Variants in AUTS2 observed in about 807,000 individuals in gnomAD.
The protein encoded by AUTS2 is activator of transcription and developmental regulator AUTS2.
In AUTS2, 17 loss-of-function variants were observed where a neutral mutation model predicts 112.4. That is an observed-to-expected ratio of 0.15 (90% CI 0.10 to 0.23). AUTS2 has a LOEUF of 0.23. Among genes scored for constraint, AUTS2 ranks in the 10% least tolerant of loss-of-function variants. The pLI, the probability that AUTS2 is intolerant of heterozygous loss-of-function variation, is 1.00. For missense variants in AUTS2, 1,510 were observed against 1,701.6 expected (o/e 0.89, Z 1.98); for synonymous variants, 751 against 702.7 (o/e 1.07, Z -1.09).
rs1790720866 is a variant in AUTS2 at position 69,815,524 on chromosome 7, CT to C, written c.310-83753del. Among the ~76,000 whole-genome samples, 5 of 151,290 alleles carry C rather than the reference CT, an allele frequency of 3.3e-5. No homozygotes were observed. The South Asian group carries it at 8.4e-4, about 25-fold the overall frequency. On this transcript the variant is annotated intron_variant, in intron 1 of 18. Coordinates refer to ENST00000342771, the MANE Select transcript of AUTS2 (RefSeq NM_015570.4). ...TCTTCTCCAGGCCTCTTTATGACTA[CT>C]TTTTTTTTGAGATGGAGTCTCACTC...
intron 5 of AUTS2, among the ~76,000 whole-genome samples, chr7:70,660,875 G>A (rs1036071779): frequency 2.6e-5 from 4 of 152,106 alleles, no homozygotes; most frequent in African/African-American, 4.8e-5. Flanking sequence ...CATACTAAAG[G>A]CCTACTATGT....
intron 4 of AUTS2, among the ~76,000 whole-genome samples, chr7:70,282,528 G>C (rs916611540): frequency 6.6e-6 from 1 of 152,016 alleles, no homozygotes; most frequent in Non-Finnish European, 1.5e-5. Context: ...CGAGCTCCTA[G>C]GGCCTTTTTT....
chr7:70,135,697 G>A (rs1484870709), intron 4 of AUTS2, among the ~76,000 whole-genome samples: 2 of 152,116 alleles, frequency 1.3e-5, no homozygotes, highest in Non-Finnish European at 2.9e-5. Flanking sequence ...AAAGTATAAG[G>A]ATGATTTGGA....
At chr7:69,660,715 G>T (rs995449341) in intron 1 of AUTS2, among the ~76,000 whole-genome samples, 1 of 152,140 alleles carries the variant, frequency 6.6e-6, no homozygotes, top group East Asian at 1.9e-4. Context: ...GGCAGATCAC[G>T]AGGTCAGGAG....
chr7:70,618,744 G>C (rs1403714252), intron 5 of AUTS2, among the ~76,000 whole-genome samples: 4 of 152,100 alleles, frequency 2.6e-5, no homozygotes, highest in East Asian at 1.9e-4. Flanking sequence ...AAGAGAGAGA[G>C]AGAAGGAAAC....
chr7:69,953,402 C>T (rs1312427871), intron 2 of AUTS2, among the ~76,000 whole-genome samples: 1 of 152,056 alleles, frequency 6.6e-6, no homozygotes, highest in Non-Finnish European at 1.5e-5. Flanking sequence ...TTCTCAGCAA[C>T]AATAAGTACT....
At chr7:70,066,140 A>T (rs17141174) in intron 2 of AUTS2, among the ~76,000 whole-genome samples, 4,548 of 152,306 alleles carry the variant, frequency 0.03, 262 homozygotes, top group African/African-American at 0.1. Context: ...CATCATTTTT[A>T]AAAAATTTTG....
At chr7:70,115,613 T>C (rs1047506213) in intron 2 of AUTS2, among the ~76,000 whole-genome samples, 24 of 152,256 alleles carry the variant, frequency 1.6e-4, no homozygotes, top group Admixed American at 1.6e-3. Context: ...ATGTCAAATG[T>C]AAACATCTAA....
chr7:69,815,152 T>C (rs1790702058), intron 1 of AUTS2, among the ~76,000 whole-genome samples: 1 of 152,202 alleles, frequency 6.6e-6, no homozygotes, highest in Admixed American at 6.5e-5. Context: ...AAGACTTTCA[T>C]ATCCTATCTG....
chr7:70,018,087 T>C (rs555030437), intron 2 of AUTS2, among the ~76,000 whole-genome samples: 5 of 152,222 alleles, frequency 3.3e-5, no homozygotes, highest in Non-Finnish European at 7.4e-5. Context: ...CAAACCATCA[T>C]TAAGCCTGCC....
chr7:70,088,286 G>A (rs1045173978), intron 2 of AUTS2, among the ~76,000 whole-genome samples: 3 of 151,800 alleles, frequency 2.0e-5, no homozygotes, highest in Non-Finnish European at 4.4e-5. Context: ...ACCACGCCTG[G>A]CTAAATTTGT....
intron 1 of AUTS2, among the ~76,000 whole-genome samples, chr7:69,734,348 G>GT (rs77361580): frequency 0.11 from 14,900 of 131,922 alleles, 871 homozygotes; most frequent in African/African-American, 0.17. Context: ...TTCCTCTTTA[G>GT]TTTTTTTTTT....
chr7:70,312,225 G>A (rs987564828), intron 4 of AUTS2, among the ~76,000 whole-genome samples: 1 of 152,102 alleles, frequency 6.6e-6, no homozygotes, highest in Non-Finnish European at 1.5e-5. Flanking sequence ...TTTTCTGTGT[G>A]TGATTTATGG....
At chr7:69,897,205 G>A (rs1794785606) in intron 1 of AUTS2, among the ~76,000 whole-genome samples, 1 of 152,206 alleles carries the variant, frequency 6.6e-6, no homozygotes, top group Admixed American at 6.5e-5. Flanking sequence ...AAGAGTCACT[G>A]AACTAGAAAA....
chr7:70,476,807 A>G (rs553783412), intron 5 of AUTS2, among the ~76,000 whole-genome samples: 1 of 152,340 alleles, frequency 6.6e-6, no homozygotes, highest in African/African-American at 2.4e-5. Context: ...ATATTTAAAT[A>G]TGAATGTAAA....
chr7:70,514,049 T>C (rs1799314014), intron 5 of AUTS2, among the ~76,000 whole-genome samples: 1 of 152,236 alleles, frequency 6.6e-6, no homozygotes, highest in Non-Finnish European at 1.5e-5. Flanking sequence ...TAATGTCCTC[T>C]CTTTTACCCC....
intron 5 of AUTS2, among the ~76,000 whole-genome samples, chr7:70,452,602 T>C (rs1486540440): frequency 6.6e-6 from 1 of 152,192 alleles, no homozygotes; most frequent in Non-Finnish European, 1.5e-5. Context: ...ATTCATTTAT[T>C]ACAGCCAAAT....
chr7:69,816,551 C>G (rs1303495843), intron 1 of AUTS2, among the ~76,000 whole-genome samples: 2 of 152,182 alleles, frequency 1.3e-5, no homozygotes, highest in African/African-American at 4.8e-5. Flanking sequence ...TTGCTCCATC[C>G]TGTCTAGTCT....
intron 4 of AUTS2, among the ~76,000 whole-genome samples, chr7:70,423,633 A>G (rs1328249900): frequency 4.0e-5 from 6 of 151,076 alleles, no homozygotes; most frequent in Non-Finnish European, 7.4e-5. Context: ...TTCCATCCCA[A>G]AAAAAAATGT....
Sources: gnomAD v4.1 joint callset for allele counts (sites outside exome capture counted in the v4.1 genomes callset) on GRCh38, gnomAD v4.1.1 for gene constraint, MANE v1.5 for transcripts, NCBI Gene and HGNC (gene_info 2026-07-23, HGNC 2026-07-21) for gene names.